Variants in ZNF439 observed in about 807,000 individuals in gnomAD.
ZNF439 encodes zinc finger protein 439.
A neutral mutation model predicts 47.3 loss-of-function variants in ZNF439; 40 were observed. The observed-to-expected ratio is 0.85, with a 90% CI of 0.66 to 1.10. ZNF439 has a LOEUF of 1.10. Ranked by LOEUF, ZNF439 falls within the 50% of genes least tolerant of loss-of-function variation. The pLI, the probability that ZNF439 is intolerant of heterozygous loss-of-function variation, is 0.00. For missense variants in ZNF439, 556 were observed against 601.1 expected (o/e 0.93, Z 0.78); for synonymous variants, 171 against 198.8 (o/e 0.86, Z 1.18).
Position 11,869,068 on chromosome 19 carries a change from A to C in ZNF439, c.*499A>C. On this transcript the variant is annotated 3_prime_UTR_variant, in exon 4 of 4. Coordinates refer to ENST00000682736, the MANE Select transcript of ZNF439 (RefSeq NM_001348719.2). ...ACTCATACGAGAGAGAATCCGTATGAATGTAAGGATTGTGGGAAAGCATTC... is the reference window on the plus strand; with the variant it reads ...ACTCATACGAGAGAGAATCCGTATGCATGTAAGGATTGTGGGAAAGCATTC... 4.1e-6 allele frequency: 1 copy of C among 244,830 alleles called. No individual in the cohort carries two copies. The highest frequency in any genetic ancestry group is 5.2e-5 in the South Asian group (1 of 19,398). The allele number at this position is 244,830 out of a possible 1,614,324, so 15.2% of individuals were successfully genotyped here. A position where few individuals can be genotyped will look rare whatever the true frequency, so the allele number is the denominator to read the frequency against.
chr19:11,852,246 C>A (rs1182997437), intron 1 of ZNF439, among the ~76,000 whole-genome samples: 1 of 151,872 alleles, frequency 6.6e-6, no homozygotes, highest in Admixed American at 6.6e-5. Context: ...CATAGTGAGA[C>A]CCCCCATCTC....
In ZNF439 at chr19:11,867,834, T is replaced by C. The variant is rs1370930914; in HGVS notation, c.780T>C (p.Ala260=). ...GTGGTAAATCTTTTAGTTATTCTGCTACCCATCGAATACATGAAAGAACTC... is the reference window on the plus strand; with the variant it reads ...GTGGTAAATCTTTTAGTTATTCTGCCACCCATCGAATACATGAAAGAACTC... The part of the protein sequence containing the change: ...KQCGKSFSYS[A]THRIHERTHI... The change falls in exon 4 of 4, where the codon GCT becomes GCC. Residue 260 remains alanine, a synonymous_variant. Transcript: ENST00000682736. 1.2e-6 allele frequency: 2 copies of C among 1,613,554 alleles called. No individual in the cohort carries two copies. Among genetic ancestry groups the C allele is most frequent in the South Asian group, 2.2e-5 (2 of 91,056 alleles).
rs767693154 is a variant in ZNF439 at position 11,868,382 on chromosome 19, A to G, written c.1328A>G (p.Tyr443Cys). The part of the protein sequence containing the change: ...HGRTHTGEKP[Y>C]QCKECGKAFR... ...AGGACTCACACTGGAGAGAAACCGT[A>G]TCAATGTAAGGAATGTGGGAAAGCT... is the stretch of plus-strand genomic sequence containing the variant. Residue 443 changes from tyrosine to cysteine, a missense_variant, in exon 4 of 4, where the codon TAT becomes TGT. Physicochemically the swap from Tyr to Cys is radical, Grantham distance 194. Transcript: ENST00000682736. 122 of 1,605,890 alleles carry G rather than the reference A, an allele frequency of 7.6e-5. No individual in the cohort carries two copies. The highest frequency in any genetic ancestry group is 8.8e-5 in the Non-Finnish European group (103 of 1,173,636).
At chr19:11,854,194 C>G (rs1976323493) in intron 1 of ZNF439, among the ~76,000 whole-genome samples, 1 of 152,170 alleles carries the variant, frequency 6.6e-6, no homozygotes, top group Non-Finnish European at 1.5e-5. Flanking sequence ...AGTAGCCACA[C>G]TTGGTTGGCT....
chr19:11,862,427 T>G (rs1403674511), intron 1 of ZNF439, among the ~76,000 whole-genome samples: 3 of 152,072 alleles, frequency 2.0e-5, no homozygotes, highest in Admixed American at 6.5e-5. Flanking sequence ...ATTTTTTTTT[T>G]TTTAAGACTC....
At chr19:11,860,648 G>C (rs1315339254) in intron 1 of ZNF439, among the ~76,000 whole-genome samples, 1 of 152,154 alleles carries the variant, frequency 6.6e-6, no homozygotes, top group African/African-American at 2.4e-5. Context: ...AGAAGGGGTC[G>C]GGGGCACCTT....
chr19:11,862,757 CT>C (rs1695613061), intron 1 of ZNF439, among the ~76,000 whole-genome samples: 1 of 145,080 alleles, frequency 6.9e-6, no homozygotes, highest in East Asian at 2.0e-4. Flanking sequence ...TTTTTTTTTT[CT>C]TCTTTTGGAG....
At chr19:11,861,589 G>T (rs563723319) in intron 1 of ZNF439, among the ~76,000 whole-genome samples, 6 of 152,190 alleles carry the variant, frequency 3.9e-5, no homozygotes, top group Admixed American at 2.0e-4. Context: ...ACACATGGCT[G>T]GTCAGCCAAT....
At position 11,867,489 on chromosome 19, in the gene ZNF439, A is replaced by G; in HGVS notation, c.435A>G (p.Arg145=). The part of the protein sequence containing the change: ...LGNSSSNMNI[R]GDTGHKACEC... ...ACTCATCTTCTAATATGAACATCAG[A>G]GGTGACACTGGACACAAGGCATGTG... The change falls in exon 4 of 4, where the codon AGA becomes AGG. Residue 145 remains arginine, a synonymous_variant. Transcript: ENST00000682736. The G allele has an allele frequency of 6.2e-7, 1 of 1,614,174 alleles. No individual in the cohort carries two copies. Among genetic ancestry groups the G allele is most frequent in the South Asian group, 1.1e-5 (1 of 91,084 alleles).
At position 11,855,109 on chromosome 19, in the gene ZNF439, C is replaced by G. The variant is rs191367549; in HGVS notation, c.63+6179C>G. Among the ~76,000 whole-genome samples, 5 of 152,286 alleles carry G rather than the reference C, an allele frequency of 3.3e-5. No individual in the cohort carries two copies. The East Asian group carries it at 9.7e-4, about 29-fold the overall frequency. Reference sequence around the variant, plus strand: ...GAGCTAAAGCCTGCTCCACACCAAGCAATCTGGGCAGCAGACTGGGATTGG... The same window carrying G: ...GAGCTAAAGCCTGCTCCACACCAAGGAATCTGGGCAGCAGACTGGGATTGG... On this transcript the variant is annotated intron_variant, in intron 1 of 3. Transcript: ENST00000682736.
At position 11,867,557 on chromosome 19, in the gene ZNF439, CTAAAAA is replaced by C. The variant is rs1976724164; in HGVS notation, c.504_509del (p.Lys169_Lys170del). On this transcript the variant is annotated inframe_deletion, in exon 4 of 4. Coordinates refer to ENST00000682736, the MANE Select transcript of ZNF439 (RefSeq NM_001348719.2). ...CCAAAGCCATGGAAGAGTCAACAAC[CTAAAAA>C]AGCCTTCAGATATCACCCCTCCTTG... 3.7e-6 allele frequency: 6 copies of C among 1,613,968 alleles called. No individual in the cohort carries two copies. In the African/African-American group the frequency reaches 6.7e-5, roughly 18 times the overall value.
At chr19:11,854,252 CA>C (rs985525069) in intron 1 of ZNF439, among the ~76,000 whole-genome samples, 9 of 152,188 alleles carry the variant, frequency 5.9e-5, no homozygotes, top group Non-Finnish European at 1.2e-4. Flanking sequence ...TAGAACTATG[CA>C]AAGTGATGGA....
At chr19:11,854,285 T>G (rs80330900) in intron 1 of ZNF439, among the ~76,000 whole-genome samples, 1 of 152,244 alleles carries the variant, frequency 6.6e-6, no homozygotes, top group Non-Finnish European at 1.5e-5. Flanking sequence ...CAGAAGTTTT[T>G]GGTGTGACCA....
At chr19:11,860,977 C>T (rs1976524428) in intron 1 of ZNF439, among the ~76,000 whole-genome samples, 1 of 152,316 alleles carries the variant, frequency 6.6e-6, no homozygotes, top group Admixed American at 6.5e-5. Context: ...AAGTCTTTGG[C>T]TCCCAACCCT....
Position 11,869,345 on chromosome 19 carries a change from A to G in ZNF439, c.*776A>G. 1 of 163,430 alleles carries G rather than the reference A, an allele frequency of 6.1e-6. No homozygotes were observed. The highest frequency in any genetic ancestry group is 6.0e-4 in the Middle Eastern group (1 of 1,658). The allele number at this position is 163,430 out of a possible 1,614,324, so 10.1% of individuals were successfully genotyped here. ...ATGTAAGCAGTATGGGAAAGCCTTC[A>G]GATCGGCTAGGATTCTTTGAATACA... On this transcript the variant is annotated 3_prime_UTR_variant, in exon 4 of 4. Coordinates refer to ENST00000682736, the MANE Select transcript of ZNF439 (RefSeq NM_001348719.2).
At chr19:11,863,455 C>G (rs992653403) in intron 1 of ZNF439, among the ~76,000 whole-genome samples, 3 of 152,012 alleles carry the variant, frequency 2.0e-5, no homozygotes, top group Non-Finnish European at 4.4e-5. Flanking sequence ...CCACCATGCC[C>G]GGCCTTTTTA....
rs1345849054 is a variant in ZNF439, at chr19:11,869,442, A to G, written c.*873A>G. The G allele has an allele frequency of 3.9e-5, 6 of 152,658 alleles. No homozygotes were observed. Among genetic ancestry groups the G allele is most frequent in the Non-Finnish European group, 8.8e-5 (6 of 68,200 alleles). 9.5% of individuals were successfully genotyped at this position (152,658 alleles called of 1,614,324 possible). ...CAAATGTTATTCTTTTTAAATAATT[A>G]AGAAGCTATAATAAAATATCCATTG... On this transcript the variant is annotated 3_prime_UTR_variant, in exon 4 of 4. Coordinates refer to ENST00000682736, the MANE Select transcript of ZNF439 (RefSeq NM_001348719.2).
chr19:11,867,372 A>G lies in ZNF439; in HGVS notation c.318A>G (p.Pro106=). 7 of 1,613,982 alleles carry G rather than the reference A, an allele frequency of 4.3e-6. No homozygotes were observed. The highest frequency in any genetic ancestry group is 5.9e-6 in the Non-Finnish European group (7 of 1,179,854). The change falls in exon 4 of 4, where the codon CCA becomes CCG. Residue 106 remains proline (P), a synonymous_variant. Transcript: ENST00000682736. ...GTCATTGTGGAGAAACTTTTACCCCAGTTCCAGATGACAGGCTGAACTTCC... is the reference window on the plus strand; with the variant it reads ...GTCATTGTGGAGAAACTTTTACCCCGGTTCCAGATGACAGGCTGAACTTCC... ...EDSHCGETFT[P]VPDDRLNFQK...
Position 11,867,614 on chromosome 19 carries a change from G to A in ZNF439, c.560G>A (p.Gly187Glu). ...SLRTQERDHT[G>E]KKPYACKECG... ...AGAACACAAGAAAGGGATCACACTG[G>A]AAAGAAACCCTATGCTTGTAAAGAA... The change falls in exon 4 of 4, where the codon GGA becomes GAA. Residue 187 changes from glycine (G) to glutamate (E), a missense_variant. Gly to Glu is a moderately conservative substitution (Grantham distance 98). Transcript: ENST00000682736. 1.2e-6 allele frequency: 2 copies of A among 1,614,142 alleles called. No homozygotes were observed. The highest frequency in any genetic ancestry group is 1.7e-6 in the Non-Finnish European group (2 of 1,180,018).
Sources: allele counts gnomAD v4.1 joint callset (sites outside exome capture counted in the v4.1 genomes callset), GRCh38; gene constraint gnomAD v4.1.1; transcripts MANE v1.5; gene names NCBI Gene and HGNC (gene_info 2026-07-23, HGNC 2026-07-21).